SMAP1: variants seen among roughly 807,000 people sequenced by gnomAD.
SMAP1 encodes stromal membrane-associated protein 1.
In SMAP1, 24 loss-of-function variants were observed where a neutral mutation model predicts 58.5. That is an observed-to-expected ratio of 0.41 (90% CI 0.30 to 0.58). The LOEUF (loss-of-function observed/expected upper bound fraction) is 0.58. Ranked by LOEUF, SMAP1 falls within the 20% of genes least tolerant of loss-of-function variation. The probability of loss-of-function intolerance (pLI) is 0.29; values close to 1 mark genes in which losing one functional copy is unlikely to be tolerated. For missense variants in SMAP1, 563 were observed against 566.3 expected (o/e 0.99, Z 0.06); for synonymous variants, 216 against 196.6 (o/e 1.10, Z -0.82).
intron 1 of SMAP1, among the ~76,000 whole-genome samples, chr6:70,673,173 G>T (rs1766337977): frequency 6.6e-6 from 1 of 152,182 alleles, no homozygotes; most frequent in Admixed American, 6.5e-5. Flanking sequence ...CTGGAGGAGG[G>T]AAAGTCAGGG....
chr6:70,811,474 A>C (rs1319672473), intron 6 of SMAP1, among the ~76,000 whole-genome samples: 1 of 152,090 alleles, frequency 6.6e-6, no homozygotes, highest in African/African-American at 2.4e-5. Context: ...CTGTTACGCG[A>C]TCCTCGGGAG....
intron 1 of SMAP1, among the ~76,000 whole-genome samples, chr6:70,714,445 A>G (rs1425536894): frequency 2.0e-5 from 3 of 152,012 alleles, no homozygotes; most frequent in Non-Finnish European, 4.4e-5. Context: ...TAAGCTGATA[A>G]CAGCTTAACT....
At chr6:70,743,634 T>C (rs1765902673) in intron 2 of SMAP1, among the ~76,000 whole-genome samples, 1 of 152,340 alleles carries the variant, frequency 6.6e-6, no homozygotes, top group Middle Eastern at 3.4e-3. Context: ...TTTTTTCTTA[T>C]TTTGTGGAAG....
intron 2 of SMAP1, among the ~76,000 whole-genome samples, chr6:70,738,621 A>T (rs1765705564): frequency 6.6e-6 from 1 of 152,140 alleles, no homozygotes; most frequent in Admixed American, 6.5e-5. Flanking sequence ...CCTAGAAAAA[A>T]TTTCTTATGG....
At chr6:70,837,428 C>T (rs968994614) in intron 7 of SMAP1, among the ~76,000 whole-genome samples, 11 of 151,894 alleles carry the variant, frequency 7.2e-5, no homozygotes, top group East Asian at 1.9e-4. Flanking sequence ...TTGTAAAATA[C>T]GTTGGTTTAA....
At chr6:70,737,451 A>G (rs1433094596) in intron 2 of SMAP1, among the ~76,000 whole-genome samples, 3 of 152,174 alleles carry the variant, frequency 2.0e-5, no homozygotes, top group Non-Finnish European at 4.4e-5. Flanking sequence ...TTGGCCGGAA[A>G]TGTATTTTGC....
At chr6:70,807,354 A>G (rs1769178753) in intron 6 of SMAP1, among the ~76,000 whole-genome samples, 1 of 152,258 alleles carries the variant, frequency 6.6e-6, no homozygotes, top group Non-Finnish European at 1.5e-5. Context: ...TCAAGTGACT[A>G]ATAAGGCAGA....
intron 4 of SMAP1, among the ~76,000 whole-genome samples, chr6:70,774,715 CT>C (rs1272869708): frequency 6.6e-6 from 1 of 151,366 alleles, no homozygotes; most frequent in Non-Finnish European, 1.5e-5. Context: ...GACCCTATCT[CT>C]TTTTATTAAA....
At chr6:70,840,746 C>T (rs1239682307) in intron 7 of SMAP1, among the ~76,000 whole-genome samples, 1 of 152,126 alleles carries the variant, frequency 6.6e-6, no homozygotes, top group African/African-American at 2.4e-5. Flanking sequence ...TCTCTAATAC[C>T]ATAAACAGGG....
At chr6:70,780,815 A>G (rs1166265041) in intron 4 of SMAP1, among the ~76,000 whole-genome samples, 4 of 152,204 alleles carry the variant, frequency 2.6e-5, no homozygotes, top group Admixed American at 2.0e-4. Context: ...GATTAGCGTA[A>G]AAGAGCAGGG....
chr6:70,725,545 AG>A (rs1768744239), intron 1 of SMAP1, among the ~76,000 whole-genome samples: 1 of 152,148 alleles, frequency 6.6e-6, no homozygotes, highest in Non-Finnish European at 1.5e-5. Flanking sequence ...TGGAAAGAGA[AG>A]GGTTTGTTCC....
At chr6:70,759,940 C>A in intron 3 of SMAP1, 2 of 412,992 alleles carry the variant, frequency 4.8e-6, no homozygotes, top group Non-Finnish European at 9.7e-6. Flanking sequence ...TTTTATTTCT[C>A]AAAATAACTC....
chr6:70,734,672 G>A (rs1478003444), intron 2 of SMAP1: 1 of 152,640 alleles, frequency 6.6e-6, no homozygotes, highest in Non-Finnish European at 1.5e-5. Context: ...CTGGGTAGAA[G>A]TTACACAGTC....
intron 7 of SMAP1, among the ~76,000 whole-genome samples, chr6:70,845,690 TATCTTATC>T (rs1159222553): frequency 6.6e-6 from 1 of 152,206 alleles, no homozygotes; most frequent in Non-Finnish European, 1.5e-5. Flanking sequence ...AACCCATCTG[TATCTTATC>T]ATAGGGCACA....
At position 70,755,030 on chromosome 6, in the gene SMAP1, T is replaced by C. The variant is rs374893271; in HGVS notation, c.303T>C (p.Asn101=). The C allele has an allele frequency of 3.2e-4, 508 of 1,610,692 alleles. No homozygotes were observed. The highest frequency in any genetic ancestry group is 4.2e-4 in the Non-Finnish European group (492 of 1,177,688). The change falls in exon 3 of 11, where the codon AAT becomes AAC. Residue 101 remains asparagine, a synonymous_variant. Transcript: ENST00000370455. ...AAGCAAGACTACTCTATGAAGCCAA[T>C]CTTCCAGAGAACTTTCGAAGACCAC... is the stretch of plus-strand genomic sequence containing the variant. The part of the protein sequence containing the change: ...NTKARLLYEA[N]LPENFRRPQT...
downstream of SMAP1, chr6:70,862,007 A>C: frequency 6.4e-7 from 1 of 1,554,774 alleles, no homozygotes; most frequent in Non-Finnish European, 8.7e-7. Context: ...AAAAAAAGAG[A>C]CTTTAAAATC....
At chr6:70,733,642 C>G (rs531793239) in intron 2 of SMAP1, among the ~76,000 whole-genome samples, 1 of 152,248 alleles carries the variant, frequency 6.6e-6, no homozygotes, top group South Asian at 2.1e-4. Flanking sequence ...TTCCAAGTAG[C>G]TGTGACTATA....
intron 3 of SMAP1, among the ~76,000 whole-genome samples, chr6:70,758,070 C>A (rs1052779848): frequency 6.6e-6 from 1 of 151,698 alleles, no homozygotes; most frequent in African/African-American, 2.4e-5. Flanking sequence ...CACATGCACA[C>A]GTATGTTTAT....
chr6:70,679,633 A>G lies in SMAP1; in HGVS notation c.118+11492A>G, dbSNP rs1471740156. 2.6e-5 allele frequency among the ~76,000 whole-genome samples: 4 copies of G among 152,344 alleles called. No individual in the cohort carries two copies. The East Asian group carries it at 7.7e-4, about 29-fold the overall frequency. The stretch of plus-strand genomic sequence containing the variant: ...AATTATGATTTATAATAGCATAACA[A>G]TATGAAAACTGTGGGATAAATTTAA... On this transcript the variant is annotated intron_variant, in intron 1 of 10. Coordinates refer to ENST00000370455, the MANE Select transcript of SMAP1 (RefSeq NM_001044305.3).
Sources: allele counts gnomAD v4.1 joint callset (sites outside exome capture counted in the v4.1 genomes callset), GRCh38; gene constraint gnomAD v4.1.1; transcripts MANE v1.5; gene names NCBI Gene and HGNC (gene_info 2026-07-23, HGNC 2026-07-21).